Variants in ERC2 observed in about 807,000 individuals in gnomAD.
The protein encoded by ERC2 is ERC protein 2.
In ERC2, 42 loss-of-function variants were observed where a neutral mutation model predicts 114.8. That is an observed-to-expected ratio of 0.37 (90% CI 0.29 to 0.47). ERC2 has a LOEUF of 0.47. ERC2 is among the 20% of genes least tolerant of loss of function. ERC2 has a pLI of 0.99. For synonymous variants in ERC2, 454 were observed against 425.5 expected, an observed-to-expected ratio of 1.07 and a Z score of -0.82; for missense variants, 939 against 1,150.7, an observed-to-expected ratio of 0.82 and a Z score of 2.66.
chr3:56,371,142 A>G (rs1012238651), intron 2 of ERC2, among the ~76,000 whole-genome samples: 1 of 152,212 alleles, frequency 6.6e-6, no homozygotes, highest in South Asian at 2.1e-4. Flanking sequence ...CCAGAGAACG[A>G]AGAAAAGAAA....
chr3:55,582,580 A>G (rs1444419227), intron 17 of ERC2, among the ~76,000 whole-genome samples: 1 of 152,186 alleles, frequency 6.6e-6, no homozygotes, highest in Non-Finnish European at 1.5e-5. Flanking sequence ...ATTGATTCCT[A>G]TTTCAAATTA....
intron 2 of ERC2, among the ~76,000 whole-genome samples, chr3:56,334,339 C>T (rs1576474601): frequency 6.6e-6 from 1 of 152,190 alleles, no homozygotes; most frequent in East Asian, 1.9e-4. Flanking sequence ...CCAAGAGAAT[C>T]GGAGACCAGT....
chr3:56,179,011 C>G (rs1001715080), intron 3 of ERC2, among the ~76,000 whole-genome samples: 1 of 149,394 alleles, frequency 6.7e-6, no homozygotes, highest in African/African-American at 2.5e-5. Context: ...GAAGAATTGT[C>G]TTGGGCCACA....
chr3:55,573,690 C>A lies in ERC2; in HGVS notation c.*40-62414G>T, dbSNP rs570178270. 4.6e-5 allele frequency among the ~76,000 whole-genome samples: 7 copies of A among 152,194 alleles called. 1 individual carries two copies. The highest frequency in any genetic ancestry group is 1.7e-4 in the African/African-American group (7 of 41,520). On this transcript the variant is annotated intron_variant, in intron 17 of 17. Coordinates refer to ENST00000288221, the MANE Select transcript of ERC2 (RefSeq NM_015576.3). ...GCTTGCCAGAGTCAGCTGCCTGGAC[C>A]TTCCTCAGCCCACATGTCCCTGCCT...
At chr3:55,889,960 C>A (rs1407047021) in intron 13 of ERC2, among the ~76,000 whole-genome samples, 5 of 152,006 alleles carry the variant, frequency 3.3e-5, no homozygotes, top group Non-Finnish European at 2.9e-5. Flanking sequence ...TCATTTTGCC[C>A]TGATAAAAAG....
chr3:56,416,296 C>T (rs917278904), intron 2 of ERC2, among the ~76,000 whole-genome samples: 2 of 152,134 alleles, frequency 1.3e-5, no homozygotes, highest in South Asian at 4.1e-4. Context: ...AATCTCACCT[C>T]CTGCCCAAAG....
At position 56,105,168 on chromosome 3, in the gene ERC2, A is replaced by G. The variant is rs114120422; in HGVS notation, c.1474-24184T>C. Among the ~76,000 whole-genome samples, 496 of 152,018 alleles carry G rather than the reference A, an allele frequency of 3.3e-3. 2 individuals are homozygous for G. Among genetic ancestry groups the G allele is most frequent in the African/African-American group, 0.011 (463 of 41,456 alleles). On this transcript the variant is annotated intron_variant, in intron 6 of 17. Coordinates refer to ENST00000288221, the MANE Select transcript of ERC2 (RefSeq NM_015576.3). ...CCTGGAGGCCACAGGGTTGGAATGG[A>G]GTGAGTGAGGAGACAATGGCTAGGA...
chr3:55,798,597 CAAA>C (rs769555442), intron 14 of ERC2, among the ~76,000 whole-genome samples: 2 of 90,124 alleles, frequency 2.2e-5, no homozygotes, highest in African/African-American at 4.1e-5. Flanking sequence ...GACTTCGTTT[CAAA>C]AAAAAAAAAA....
At chr3:55,963,882 C>T (rs573236092) in intron 12 of ERC2, among the ~76,000 whole-genome samples, 4 of 152,294 alleles carry the variant, frequency 2.6e-5, no homozygotes, top group African/African-American at 9.6e-5. Context: ...AATATACAGC[C>T]AAGGCAGCCT....
chr3:56,354,478 G>A (rs1378479225), intron 2 of ERC2, among the ~76,000 whole-genome samples: 1 of 152,158 alleles, frequency 6.6e-6, no homozygotes, highest in Non-Finnish European at 1.5e-5. Context: ...GTAGAGGCCA[G>A]GGATGCCGCT....
At chr3:56,450,313 T>C (rs2062773108) in intron 1 of ERC2, among the ~76,000 whole-genome samples, 2 of 152,348 alleles carry the variant, frequency 1.3e-5, no homozygotes, top group South Asian at 4.1e-4. Context: ...TATGGCAAGG[T>C]ACTTGAGTCA....
chr3:56,121,149 A>G (rs1311954701), intron 6 of ERC2, among the ~76,000 whole-genome samples: 1 of 152,148 alleles, frequency 6.6e-6, no homozygotes, highest in African/African-American at 2.4e-5. Context: ...GGATAGTTCT[A>G]TCTATTTTGC....
chr3:55,612,125 G>A (rs1057290770), intron 17 of ERC2, among the ~76,000 whole-genome samples: 2 of 152,196 alleles, frequency 1.3e-5, no homozygotes, highest in Non-Finnish European at 2.9e-5. Context: ...AAAGAGAAGT[G>A]CAGCACACTT....
At chr3:56,311,237 CTCTCTCTCT>C (rs2056531487) in intron 2 of ERC2, among the ~76,000 whole-genome samples, 1 of 16,374 alleles carries the variant, frequency 6.1e-5, no homozygotes, top group Admixed American at 8.9e-4. Context: ...CATCTTCTCT[CTCTCTCTCT>C]CTCTCTCTCT....
At chr3:55,935,905 A>G (rs543116892) in intron 13 of ERC2, among the ~76,000 whole-genome samples, 4 of 152,358 alleles carry the variant, frequency 2.6e-5, no homozygotes, top group African/African-American at 4.8e-5. Context: ...TCAAATGCCA[A>G]CAAGAATGCC....
chr3:55,643,494 A>C (rs2060270746), intron 17 of ERC2, among the ~76,000 whole-genome samples: 2 of 152,300 alleles, frequency 1.3e-5, no homozygotes, highest in South Asian at 4.1e-4. Context: ...CTTGAAAAAA[A>C]TTTGCATGCA....
intron 13 of ERC2, among the ~76,000 whole-genome samples, chr3:55,905,571 G>C (rs2064386353): frequency 6.6e-6 from 1 of 150,844 alleles, no homozygotes; most frequent in African/African-American, 2.4e-5. Flanking sequence ...CCCTACAACA[G>C]AGCAGACTAA....
At chr3:56,339,255 C>T (rs922936944) in intron 2 of ERC2, among the ~76,000 whole-genome samples, 2 of 152,124 alleles carry the variant, frequency 1.3e-5, no homozygotes, top group African/African-American at 4.8e-5. Flanking sequence ...AGAAGTGGCG[C>T]ACCTTAACCA....
At chr3:56,025,656 G>T (rs2073994306) in intron 7 of ERC2, among the ~76,000 whole-genome samples, 2 of 152,060 alleles carry the variant, frequency 1.3e-5, no homozygotes, top group South Asian at 4.2e-4. Context: ...CAGATTTACT[G>T]CGCTCATGTG....
Sources: gnomAD v4.1 joint callset for allele counts (sites outside exome capture counted in the v4.1 genomes callset) on GRCh38, gnomAD v4.1.1 for gene constraint, MANE v1.5 for transcripts, NCBI Gene and HGNC (gene_info 2026-07-23, HGNC 2026-07-21) for gene names.